NRXN2: variants seen among roughly 807,000 people sequenced by gnomAD.
The protein encoded by NRXN2 is neurexin 2, also known as neurexin-2-beta.
NRXN2 carries 29 observed loss-of-function variants against 128.8 expected under a neutral mutation model. That is an observed-to-expected ratio of 0.23 (90% CI 0.17 to 0.31). The LOEUF is 0.31. NRXN2 is among the 10% of genes least tolerant of loss of function. The pLI, the probability that NRXN2 is intolerant of heterozygous loss-of-function variation, is 1.00. For missense variants in NRXN2, 1,881 were observed against 2,452.6 expected, an observed-to-expected ratio of 0.77 and a Z score of 4.92; for synonymous variants, 1,098 against 1,075.2, an observed-to-expected ratio of 1.02 and a Z score of -0.41.
At chr11:64,666,164 CT>C (rs1173722083) in intron 9 of NRXN2, among the ~76,000 whole-genome samples, 5 of 151,924 alleles carry the variant, frequency 3.3e-5, no homozygotes, top group Non-Finnish European at 7.4e-5. Context: ...TGGACACCAT[CT>C]GGCACACAGT....
chr11:64,681,527 G>A (rs183339204), intron 6 of NRXN2, among the ~76,000 whole-genome samples: 48 of 152,304 alleles, frequency 3.2e-4, no homozygotes, highest in Admixed American at 5.9e-4. Context: ...GGGCCTGAAG[G>A]ATTGAAAAAA....
chr11:64,659,675 A>C (rs2048748169), intron 11 of NRXN2: 1 of 153,588 alleles, frequency 6.5e-6, no homozygotes, highest in African/African-American at 2.4e-5. Context: ...TGAATTTCAT[A>C]ATCTATAAAA....
At chr11:64,614,227 AG>A (rs2041109747) in intron 22 of NRXN2, among the ~76,000 whole-genome samples, 1 of 152,248 alleles carries the variant, frequency 6.6e-6, no homozygotes. Context: ...CTCAAGGATC[AG>A]ATTTAGGGGT....
intron 1 of NRXN2, among the ~76,000 whole-genome samples, chr11:64,718,961 C>T (rs1358221436): frequency 6.6e-6 from 1 of 152,156 alleles, no homozygotes; most frequent in Non-Finnish European, 1.5e-5. Context: ...TACCCCTATC[C>T]AGCTGTGTGA....
At chr11:64,675,573 G>A (rs2051194931) in intron 7 of NRXN2, 1 of 152,260 alleles carries the variant, frequency 6.6e-6, no homozygotes, top group Admixed American at 6.5e-5. Context: ...TTATTAATAG[G>A]CGATGACTAA....
chr11:64,657,747 G>A (rs574221353), intron 11 of NRXN2, among the ~76,000 whole-genome samples: 6 of 152,274 alleles, frequency 3.9e-5, no homozygotes, highest in South Asian at 2.1e-4. Flanking sequence ...GGCCACCTGC[G>A]TGTCCACAGT....
chr11:64,680,974 G>A (rs1192709680), intron 6 of NRXN2, among the ~76,000 whole-genome samples: 1 of 151,902 alleles, frequency 6.6e-6, no homozygotes, highest in Non-Finnish European at 1.5e-5. Context: ...GCAGGAACCT[G>A]TAATCCCAGC....
At position 64,651,456 on chromosome 11, in the gene NRXN2, A is replaced by G; in HGVS notation, c.2717T>C (p.Leu906Pro). ...CKDGDITYCE[L>P]NARFGLRAIV... Reference sequence around the variant, plus strand: ...GGCACGCAGGCCAAAGCGAGCATTGAGCTCACAGTAGGTGATGTCACCATC... The same window carrying G: ...GGCACGCAGGCCAAAGCGAGCATTGGGCTCACAGTAGGTGATGTCACCATC... Residue 906 changes from leucine (L) to proline (P), a missense_variant, in exon 14 of 23, where the codon CTC (leucine) becomes CCC (proline). This residue lies in a region of NRXN2 where 390 missense variants were observed against 599.6 expected (regional missense o/e 0.65). Coordinates refer to ENST00000265459, the MANE Select transcript of NRXN2 (RefSeq NM_015080.4). The surrounding 1 kb of genome is among the most constrained non-coding windows in gnomAD (Gnocchi z 5.9). 1 of 1,614,164 alleles carries G rather than the reference A, an allele frequency of 6.2e-7. No individual in the cohort carries two copies. Among genetic ancestry groups the G allele is most frequent in the Non-Finnish European group, 8.5e-7 (1 of 1,180,010 alleles).
chr11:64,657,334 T>C (rs2048413491), intron 11 of NRXN2, among the ~76,000 whole-genome samples: 1 of 152,228 alleles, frequency 6.6e-6, no homozygotes, highest in South Asian at 2.1e-4. Flanking sequence ...TCAGCTGCAC[T>C]GACAGCTGGG....
intron 4 of NRXN2, among the ~76,000 whole-genome samples, chr11:64,690,719 G>T (rs1386041337): frequency 6.6e-6 from 1 of 152,112 alleles, no homozygotes; most frequent in African/African-American, 2.4e-5. Flanking sequence ...CTCTTTGCCT[G>T]GGGTGGGGAG....
Position 64,652,111 on chromosome 11 carries a change from G to A in NRXN2, c.2460C>T (p.Asp820=), listed in dbSNP as rs2047540029. The A allele has an allele frequency of 6.2e-7, 1 of 1,613,448 alleles. No homozygotes were observed. Among genetic ancestry groups the A allele is most frequent in the Non-Finnish European group, 8.5e-7 (1 of 1,179,996 alleles). Residue 820 remains aspartate (D), a synonymous_variant, in exon 13 of 23, where the codon GAC becomes GAT. Transcript: ENST00000265459. The part of the protein sequence containing the change: ...ETLFAGHKLN[D]NEWHTVRVVR... ...CCACCCTCACCGTGTGCCACTCATTGTCATTGAGCTTGTGCCCCGCAAACA... is the reference window on the plus strand; with the variant it reads ...CCACCCTCACCGTGTGCCACTCATTATCATTGAGCTTGTGCCCCGCAAACA...
chr11:64,681,088 C>T, intron 6 of NRXN2, among the ~76,000 whole-genome samples: 1 of 136,428 alleles, frequency 7.3e-6, no homozygotes, highest in African/African-American at 2.8e-5. Context: ...CAAAGTGAGA[C>T]TCTATCTCCA....
chr11:64,652,410 G>T (rs989332608), intron 12 of NRXN2, among the ~76,000 whole-genome samples: 1 of 152,098 alleles, frequency 6.6e-6, no homozygotes, highest in African/African-American at 2.4e-5. Flanking sequence ...TCTCAGGACT[G>T]CCCTTTGTGT....
intron 22 of NRXN2, among the ~76,000 whole-genome samples, chr11:64,614,939 G>A (rs1231662382): frequency 6.6e-6 from 1 of 152,240 alleles, no homozygotes; most frequent in East Asian, 1.9e-4. Flanking sequence ...TTGGGGAGGG[G>A]TGGGTGTGTC....
Position 64,660,332 on chromosome 11 carries a change from C to G in NRXN2, c.2389G>C (p.Asp797His). The G allele has an allele frequency of 6.2e-7, 1 of 1,613,126 alleles. No homozygotes were observed. The highest frequency in any genetic ancestry group is 8.5e-7 in the Non-Finnish European group (1 of 1,179,872). Residue 797 changes from aspartate to histidine, a missense_variant and splice_region_variant, in exon 11 of 23, where the codon GAC (aspartate) becomes CAC (histidine). Coordinates refer to ENST00000265459, the MANE Select transcript of NRXN2 (RefSeq NM_015080.4). This position sits in a 1 kb window ranked among gnomAD's most constrained non-coding sequence, Gnocchi z 5.2. ...GGQMKLTVNL[D>H]CLRVGCAPSK... Reference sequence around the variant, plus strand: ...AGGAAGCACAGGGCAGGGTGGTTACCGAGGTTGACAGTGAGCTTCATCTGC... The same window carrying G: ...AGGAAGCACAGGGCAGGGTGGTTACGGAGGTTGACAGTGAGCTTCATCTGC...
chr11:64,652,192 C>T (rs1156245696), intron 12 of NRXN2, 38 bp from the exon 13 acceptor site: 1 of 1,593,520 alleles, frequency 6.3e-7, no homozygotes, highest in Non-Finnish European at 8.5e-7. Context: ...GGCACCTATA[C>T]ATGCTCATAG....
chr11:64,683,904 T>G (rs2052654377), intron 6 of NRXN2, among the ~76,000 whole-genome samples: 1 of 152,206 alleles, frequency 6.6e-6, no homozygotes, highest in Non-Finnish European at 1.5e-5. Context: ...TCCTCCTCTG[T>G]GTGGCTTTCC....
At chr11:64,685,048 C>T (rs1344588620) in intron 6 of NRXN2, among the ~76,000 whole-genome samples, 1 of 152,206 alleles carries the variant, frequency 6.6e-6, no homozygotes, top group African/African-American at 2.4e-5. Flanking sequence ...CTCTCTGCTC[C>T]TGCTCTCTGT....
At chr11:64,701,909 G>T (rs1280633296) in intron 2 of NRXN2, among the ~76,000 whole-genome samples, 1 of 142,070 alleles carries the variant, frequency 7.0e-6, no homozygotes, top group Non-Finnish European at 1.6e-5. Context: ...AGGTGGGGGG[G>T]GTCAGCCCCC....
Sources: allele counts gnomAD v4.1 joint callset (sites outside exome capture counted in the v4.1 genomes callset), GRCh38; gene constraint gnomAD v4.1.1; regional missense constraint gnomAD v4.1.1; non-coding constraint Gnocchi (gnomAD v3.1); transcripts MANE v1.5; gene names NCBI Gene and HGNC (gene_info 2026-07-23, HGNC 2026-07-21).